Variants in AHCTF1 observed in about 807,000 individuals in gnomAD.
AHCTF1 encodes the protein AT-hook containing transcription factor 1, also known as protein ELYS.
In AHCTF1, 24 loss-of-function variants were observed where a neutral mutation model predicts 248.4. The ratio of observed to expected loss-of-function variants is 0.10; its 90% CI spans 0.07 to 0.14. The LOEUF (loss-of-function observed/expected upper bound fraction) is 0.14. Ranked by LOEUF, AHCTF1 falls within the 10% of genes least tolerant of loss-of-function variation. The pLI, the probability that AHCTF1 is intolerant of heterozygous loss-of-function variation, is 1.00. For missense variants in AHCTF1, 2,206 were observed against 2,636.2 expected (o/e 0.84, Z 3.57); for synonymous variants, 786 against 929.8 (o/e 0.85, Z 2.81).
At chr1:246,871,859 G>A (rs1371824403) in intron 24 of AHCTF1, among the ~76,000 whole-genome samples, 1 of 151,864 alleles carries the variant, frequency 6.6e-6, no homozygotes, top group Non-Finnish European at 1.5e-5. Flanking sequence ...AAAATTTGAG[G>A]TTATTAAAAA....
chr1:246,862,399 G>C (rs1661629597), intron 27 of AHCTF1, among the ~76,000 whole-genome samples: 1 of 151,840 alleles, frequency 6.6e-6, no homozygotes, highest in Non-Finnish European at 1.5e-5. Context: ...AGAATGGCAT[G>C]AACCCGGGAG....
intron 29 of AHCTF1, 22 bp from the exon 30 acceptor site, chr1:246,857,836 A>G (rs41310593): frequency 3.8e-6 from 6 of 1,570,054 alleles, no homozygotes; most frequent in Non-Finnish European, 3.5e-6. Flanking sequence ...ACAAATAAGA[A>G]TATTATTTAT....
chr1:246,863,805 A>C, intron 27 of AHCTF1, 119 bp downstream of exon 27: 3 of 997,180 alleles, frequency 3.0e-6, no homozygotes, highest in Non-Finnish European at 4.6e-6. Flanking sequence ...AAGGATGCTT[A>C]AAGCATTTCC....
intron 21 of AHCTF1, among the ~76,000 whole-genome samples, chr1:246,885,064 G>A (rs1002893788): frequency 1.3e-5 from 2 of 152,018 alleles, no homozygotes; most frequent in East Asian, 1.9e-4. Flanking sequence ...TCAATTTGGC[G>A]CCCCTCCCTT....
chr1:246,924,112 G>C (rs911985508), intron 1 of AHCTF1, among the ~76,000 whole-genome samples: 4 of 152,142 alleles, frequency 2.6e-5, no homozygotes, highest in African/African-American at 4.8e-5. Context: ...CCCAGCCCAA[G>C]CCATTCTCAC....
intron 7 of AHCTF1, 96 bp from the exon 8 acceptor site, chr1:246,902,771 T>A (rs573448373): frequency 1.6e-6 from 2 of 1,232,594 alleles, no homozygotes; most frequent in Non-Finnish European, 2.2e-6. Context: ...GTTCACACAA[T>A]ACAAAGAAAA....
intron 13 of AHCTF1, among the ~76,000 whole-genome samples, 160 bp from the exon 14 acceptor site, chr1:246,894,908 C>T (rs1664463559): frequency 6.6e-6 from 1 of 151,972 alleles, no homozygotes; most frequent in Admixed American, 6.6e-5. Flanking sequence ...TGCACCACAC[C>T]ACGGAGCACG....
intron 8 of AHCTF1, among the ~76,000 whole-genome samples, chr1:246,901,136 C>T (rs1001298177): frequency 2.6e-5 from 4 of 151,742 alleles, no homozygotes; most frequent in African/African-American, 4.8e-5. Context: ...CCCAGAAATT[C>T]GAGACCAGCC....
intron 1 of AHCTF1, among the ~76,000 whole-genome samples, chr1:246,921,791 G>T (rs373347700): frequency 3.3e-5 from 5 of 152,102 alleles, no homozygotes; most frequent in Non-Finnish European, 7.4e-5. Context: ...TAACAAATAC[G>T]AAATATGTTT....
At chr1:246,844,045 T>C (rs1462725373) in intron 33 of AHCTF1, 117 bp from the exon 34 acceptor site, 1 of 687,950 alleles carries the variant, frequency 1.5e-6, no homozygotes. Context: ...TCCCCAAACC[T>C]GGAAACCATT....
At chr1:246,891,513 A>C (rs548062404) in intron 15 of AHCTF1, among the ~76,000 whole-genome samples, 1 of 152,330 alleles carries the variant, frequency 6.6e-6, no homozygotes, top group South Asian at 2.1e-4. Flanking sequence ...ATATAACTTA[A>C]TTTGAAACTT....
chr1:246,849,010 T>C (rs888571404), intron 33 of AHCTF1, among the ~76,000 whole-genome samples: 16 of 152,212 alleles, frequency 1.1e-4, no homozygotes, highest in African/African-American at 3.4e-4. Flanking sequence ...ATATATTGTA[T>C]ATCTGTTTGT....
chr1:246,920,279 A>C (rs1666445705), intron 1 of AHCTF1, among the ~76,000 whole-genome samples: 1 of 152,106 alleles, frequency 6.6e-6, no homozygotes, highest in Non-Finnish European at 1.5e-5. Flanking sequence ...TAGAAAGTAA[A>C]TGTCTAATAT....
In AHCTF1 at chr1:246,870,723, C is replaced by CA. The variant is rs11340560; in HGVS notation, c.3089-2913dup. 2.4e-3 allele frequency among the ~76,000 whole-genome samples: 259 copies of CA among 110,114 alleles called. 2 individuals carry two copies. Among genetic ancestry groups the CA allele is most frequent in the Middle Eastern group, 0.019 (4 of 212 alleles). 72.2% of individuals were successfully genotyped at this position (110,114 alleles called of 152,430 possible). A position where few individuals can be genotyped will look rare whatever the true frequency, so the allele number is the denominator to read the frequency against. ...CTAGCTAAAAGAGGGTATAAAACCT[C>CA]AAAAAAAAAAAAAAAAAGCCCTAGG... On this transcript the variant is annotated intron_variant, in intron 24 of 35. Transcript: ENST00000648844.
intron 35 of AHCTF1, among the ~76,000 whole-genome samples, 154 bp downstream of exon 35, chr1:246,842,540 C>G (rs1339530380): frequency 6.6e-6 from 1 of 152,004 alleles, no homozygotes; most frequent in Admixed American, 6.6e-5. Flanking sequence ...CGAAATCACA[C>G]CACTGCACTC....
At chr1:246,880,599 A>C (rs949904025) in intron 21 of AHCTF1, among the ~76,000 whole-genome samples, 2 of 151,994 alleles carry the variant, frequency 1.3e-5, no homozygotes, top group African/African-American at 2.4e-5. Flanking sequence ...TCCACTTTAA[A>C]CTGATACCTA....
intron 29 of AHCTF1, among the ~76,000 whole-genome samples, chr1:246,860,115 C>A (rs1249335639): frequency 6.6e-6 from 1 of 151,746 alleles, no homozygotes; most frequent in African/African-American, 2.4e-5. Flanking sequence ...CAAAAATTAG[C>A]CAGTCATGGT....
At chr1:246,896,895 A>C (rs1664613511) in intron 12 of AHCTF1, among the ~76,000 whole-genome samples, 1 of 152,218 alleles carries the variant, frequency 6.6e-6, no homozygotes, top group African/African-American at 2.4e-5. Flanking sequence ...AAACCTAAGA[A>C]GGCATGACTC....
chr1:246,874,734 C>A (rs560767295), intron 24 of AHCTF1, among the ~76,000 whole-genome samples: 5 of 152,116 alleles, frequency 3.3e-5, no homozygotes, highest in Non-Finnish European at 7.3e-5. Context: ...CCTGAGAGAT[C>A]CTGAAATATA....
Sources: gnomAD v4.1 joint callset for allele counts (sites outside exome capture counted in the v4.1 genomes callset) on GRCh38, gnomAD v4.1.1 for gene constraint, MANE v1.5 for transcripts, NCBI Gene and HGNC (gene_info 2026-07-23, HGNC 2026-07-21) for gene names.